Variants in SUGCT observed in about 807,000 individuals in gnomAD.
The protein encoded by SUGCT is succinyl-CoA:glutarate CoA-transferase.
Under a neutral mutation model 55.0 loss-of-function variants are expected in SUGCT, and 41 were observed. That is an observed-to-expected ratio of 0.74 (90% confidence interval 0.58 to 0.97). SUGCT has a LOEUF of 0.97. SUGCT is among the 50% of genes least tolerant of loss of function. SUGCT has a pLI of 0.00. For synonymous variants in SUGCT, 187 were observed against 200.4 expected (o/e 0.93, Z 0.56); for missense variants, 568 against 547.8 (o/e 1.04, Z -0.37).
intron 13 of SUGCT, among the ~76,000 whole-genome samples, chr7:40,855,900 G>A (rs1249470814): frequency 2.0e-5 from 3 of 152,160 alleles, no homozygotes; most frequent in African/African-American, 7.2e-5. Flanking sequence ...TAAAGAAATG[G>A]TTGATGCTAG....
chr7:40,658,241 G>A (rs186250670), intron 12 of SUGCT, among the ~76,000 whole-genome samples: 10 of 152,170 alleles, frequency 6.6e-5, no homozygotes, highest in East Asian at 1.9e-4. Context: ...GTATAACCTC[G>A]TTATTGAGGA....
intron 13 of SUGCT, among the ~76,000 whole-genome samples, chr7:40,784,866 C>T (rs1292761620): frequency 6.6e-6 from 1 of 152,058 alleles, no homozygotes; most frequent in Non-Finnish European, 1.5e-5. Flanking sequence ...GTAACTTTAC[C>T]TACTGTCTAA....
chr7:40,663,769 C>T (rs1049999967), intron 12 of SUGCT, among the ~76,000 whole-genome samples: 4 of 152,088 alleles, frequency 2.6e-5, no homozygotes, highest in African/African-American at 4.8e-5. Context: ...CCTTGTTCTT[C>T]GAAGGGTAAT....
At position 40,316,852 on chromosome 7, in the gene SUGCT, C is replaced by T. The variant is rs954511983; in HGVS notation, c.813C>T (p.Tyr271=). Residue 271 remains tyrosine, a synonymous_variant, in exon 9 of 14, where the codon TAC becomes TAT. Coordinates refer to ENST00000335693, the MANE Select transcript of SUGCT (RefSeq NM_001193313.2). ...CAGCTCATGGCAGTATCGTTCCTTA[C>T]CAGGTAAGACTACAGCAGTCTAGGG... is the stretch of plus-strand genomic sequence containing the variant. ...WGTAHGSIVP[Y]QAFKTKDGYI... is the part of the protein sequence containing the mutation. 4.5e-6 allele frequency: 7 copies of T among 1,563,840 alleles called. No homozygotes were observed. The African/African-American group carries it at 8.1e-5, about 18-fold the overall frequency.
intron 9 of SUGCT, among the ~76,000 whole-genome samples, chr7:40,334,899 G>A (rs1416353356): frequency 2.6e-5 from 4 of 152,214 alleles, no homozygotes; most frequent in Non-Finnish European, 4.4e-5. Flanking sequence ...TGACATTTAA[G>A]TCCTTAATCC....
chr7:40,913,135 C>T, the SUGCT span, among the ~76,000 whole-genome samples: 2 of 151,768 alleles, frequency 1.3e-5, no homozygotes, highest in Admixed American at 6.6e-5. Context: ...CTCAGCCTCC[C>T]GAGTACCTGG....
chr7:40,853,848 A>G (rs1268195965), intron 13 of SUGCT, among the ~76,000 whole-genome samples: 1 of 152,256 alleles, frequency 6.6e-6, no homozygotes, highest in African/African-American at 2.4e-5. Context: ...GTCATAGCGA[A>G]TATCTAAGAA....
chr7:40,136,854 G>A (rs1016743911), intron 1 of SUGCT, among the ~76,000 whole-genome samples: 2 of 152,022 alleles, frequency 1.3e-5, no homozygotes, highest in African/African-American at 4.8e-5. Flanking sequence ...AAAATTAGCC[G>A]GGCTTGGTGG....
chr7:40,389,554 A>G (rs1785308033), intron 9 of SUGCT, among the ~76,000 whole-genome samples: 1 of 152,194 alleles, frequency 6.6e-6, no homozygotes. Flanking sequence ...AATAACTACA[A>G]TTCTAACTTA....
chr7:40,368,197 T>C (rs1270961691), intron 9 of SUGCT, among the ~76,000 whole-genome samples: 1 of 152,062 alleles, frequency 6.6e-6, no homozygotes, highest in Non-Finnish European at 1.5e-5. Context: ...TATTTTGTGA[T>C]TATTTATTTA....
chr7:40,902,655 C>G, the SUGCT span, among the ~76,000 whole-genome samples: 3 of 151,748 alleles, frequency 2.0e-5, no homozygotes, highest in Non-Finnish European at 2.9e-5. Context: ...AAGCCATCTC[C>G]TTGTATTTCT....
At chr7:40,686,414 C>CTA (rs1461524207) in intron 12 of SUGCT, among the ~76,000 whole-genome samples, 1 of 152,056 alleles carries the variant, frequency 6.6e-6, no homozygotes, top group Non-Finnish European at 1.5e-5. Context: ...AAACATTAAT[C>CTA]TATATATATA....
chr7:40,211,255 C>T (rs762760251), intron 6 of SUGCT, among the ~76,000 whole-genome samples: 2 of 152,152 alleles, frequency 1.3e-5, no homozygotes, highest in Non-Finnish European at 2.9e-5. Context: ...GCTCTGTTGC[C>T]CAGGCTGGAG....
intron 13 of SUGCT, among the ~76,000 whole-genome samples, chr7:40,758,281 A>G (rs1017416191): frequency 2.0e-5 from 3 of 149,216 alleles, no homozygotes; most frequent in Admixed American, 6.7e-5. Flanking sequence ...ATTTCATGGA[A>G]TTTTTTTTTT....
At chr7:40,953,043 G>A in the SUGCT span, among the ~76,000 whole-genome samples, 4 of 152,218 alleles carry the variant, frequency 2.6e-5, no homozygotes, top group Admixed American at 6.5e-5. Flanking sequence ...ATCCTGAAGA[G>A]TGTTTTCCAA....
the SUGCT span, among the ~76,000 whole-genome samples, chr7:40,887,811 G>C: frequency 6.6e-6 from 1 of 152,148 alleles, no homozygotes; most frequent in South Asian, 2.1e-4. Context: ...TGTTTGGGAG[G>C]AGAAGGCAGA....
At chr7:40,500,051 A>G (rs1374546240) in intron 12 of SUGCT, among the ~76,000 whole-genome samples, 1 of 152,194 alleles carries the variant, frequency 6.6e-6, no homozygotes, top group Non-Finnish European at 1.5e-5. Context: ...ATCATTGTCT[A>G]CGTTGAGAAT....
intron 12 of SUGCT, among the ~76,000 whole-genome samples, chr7:40,587,903 G>GT (rs376387507): frequency 0.026 from 3,447 of 133,916 alleles, 85 homozygotes; most frequent in African/African-American, 0.053. Context: ...CTTTCTTTCT[G>GT]TTTTTTTTTT....
rs146145835 is a variant in SUGCT, at chr7:40,240,609, C to T, written c.576+2883C>T. ...CCTAAGCCTCTCAGCAGAGATTGTA[C>T]GGGAAAGCACTTCTGAAAGCCTTGG... is the stretch of plus-strand genomic sequence containing the variant. On this transcript the variant is annotated intron_variant, in intron 7 of 13. Transcript: ENST00000335693. 6.4e-3 allele frequency among the ~76,000 whole-genome samples: 970 copies of T among 152,312 alleles called. 10 individuals are homozygous for T. Among genetic ancestry groups the T allele is most frequent in the African/African-American group, 0.022 (927 of 41,580 alleles).
Sources: allele counts gnomAD v4.1 joint callset (sites outside exome capture counted in the v4.1 genomes callset), GRCh38; gene constraint gnomAD v4.1.1; transcripts MANE v1.5; gene names NCBI Gene and HGNC (gene_info 2026-07-23, HGNC 2026-07-21).